Variants in PLPP1 observed in about 807,000 individuals in gnomAD.
PLPP1 encodes lipid phosphate phosphohydrolase 1a.
Under a neutral mutation model 31.2 loss-of-function variants are expected in PLPP1, and 24 were observed. The observed-to-expected ratio is 0.77, with a 90% CI of 0.56 to 1.08. PLPP1 has a LOEUF of 1.08. Among genes scored for constraint, PLPP1 ranks in the 50% least tolerant of loss-of-function variants. PLPP1 has a pLI of 0.00. For missense variants in PLPP1, 319 were observed against 342.7 expected (o/e 0.93, Z 0.55); for synonymous variants, 146 against 126.3 (o/e 1.16, Z -1.05).
intron 1 of PLPP1, among the ~76,000 whole-genome samples, chr5:55,532,574 T>C (rs1407219386): frequency 6.6e-6 from 1 of 152,238 alleles, no homozygotes; most frequent in Non-Finnish European, 1.5e-5. Context: ...TAATGTAACA[T>C]TTCTATGAAA....
intron 1 of PLPP1, among the ~76,000 whole-genome samples, chr5:55,510,210 A>T (rs1753375529): frequency 6.6e-6 from 1 of 152,248 alleles, no homozygotes; most frequent in Non-Finnish European, 1.5e-5. Flanking sequence ...AGTAACATTT[A>T]CATCACAGTA....
intron 1 of PLPP1, among the ~76,000 whole-genome samples, chr5:55,489,336 C>CTT (rs1455010922): frequency 6.6e-6 from 1 of 152,184 alleles, no homozygotes; most frequent in Non-Finnish European, 1.5e-5. Flanking sequence ...ACCACAACTA[C>CTT]TTAGTACTTC....
chr5:55,523,169 T>C (rs1753710008), intron 1 of PLPP1, among the ~76,000 whole-genome samples: 1 of 152,130 alleles, frequency 6.6e-6, no homozygotes, highest in Admixed American at 6.5e-5. Flanking sequence ...ATATAATTTA[T>C]AATCATTACA....
chr5:55,468,972 T>C (rs1752362854), intron 2 of PLPP1, among the ~76,000 whole-genome samples: 1 of 152,144 alleles, frequency 6.6e-6, no homozygotes, highest in African/African-American at 2.4e-5. Context: ...TGCTAGAGGA[T>C]ACAGAGGGCA....
intron 1 of PLPP1, among the ~76,000 whole-genome samples, chr5:55,527,577 G>A (rs1055011393): frequency 6.6e-6 from 1 of 152,188 alleles, no homozygotes; most frequent in Non-Finnish European, 1.5e-5. Context: ...ACATAGATGG[G>A]TATTATCAGT....
At chr5:55,487,368 A>G (rs1752796349) in intron 1 of PLPP1, among the ~76,000 whole-genome samples, 1 of 151,872 alleles carries the variant, frequency 6.6e-6, no homozygotes, top group Non-Finnish European at 1.5e-5. Context: ...GTAGAACTAC[A>G]CAAAGCCAAA....
At chr5:55,506,515 C>T (rs957644567) in intron 1 of PLPP1, among the ~76,000 whole-genome samples, 1 of 152,168 alleles carries the variant, frequency 6.6e-6, no homozygotes, top group Non-Finnish European at 1.5e-5. Flanking sequence ...CACAATAAAT[C>T]TTAACCCTAT....
rs1554039230 is a variant in PLPP1, at chr5:55,473,997, G to GTTTTTGTTTTTTT, written c.210+1301_210+1302insAAAAAAACAAAAA. Among the ~76,000 whole-genome samples the GTTTTTGTTTTTTT allele has an allele frequency of 1.1e-4, 3 of 28,036 alleles. 1 individual carries two copies. Among genetic ancestry groups the GTTTTTGTTTTTTT allele is most frequent in the African/African-American group, 1.8e-4 (2 of 10,936 alleles). The allele number at this position is 28,036 out of a possible 152,430, so 18.4% of individuals were successfully genotyped here. ...TTTCTGGTTTTTTTGTTTGTTTGTT[G>GTTTTTGTTTTTTT]TTTTTTTTTTTTTTTTCCAGACGGA... On this transcript the variant is annotated intron_variant, in intron 2 of 5. Transcript: ENST00000307259.
chr5:55,484,565 G>C (rs1752736859), intron 1 of PLPP1: 1 of 152,054 alleles, frequency 6.6e-6, no homozygotes, highest in Non-Finnish European at 1.5e-5. Context: ...CACTTTCAAG[G>C]TACCAAGGCT....
intron 3 of PLPP1, among the ~76,000 whole-genome samples, chr5:55,456,567 A>G (rs1752015113): frequency 6.6e-6 from 1 of 152,198 alleles, no homozygotes; most frequent in Non-Finnish European, 1.5e-5. Flanking sequence ...AACTATAGAC[A>G]ATATTTAGAC....
intron 4 of PLPP1, among the ~76,000 whole-genome samples, chr5:55,431,808 A>G (rs537553548): frequency 6.2e-4 from 94 of 152,368 alleles, no homozygotes; most frequent in African/African-American, 2.0e-3. Flanking sequence ...ATCAACAAAA[A>G]AAGTTGCTTT....
At chr5:55,463,590 T>C (rs1358024844) in intron 3 of PLPP1, among the ~76,000 whole-genome samples, 1 of 151,800 alleles carries the variant, frequency 6.6e-6, no homozygotes, top group Non-Finnish European at 1.5e-5. Context: ...GAGCCGAGAT[T>C]GTGCCACAGC....
chr5:55,437,249 A>G (rs1222479777), intron 4 of PLPP1, among the ~76,000 whole-genome samples: 1 of 152,234 alleles, frequency 6.6e-6, no homozygotes, highest in African/African-American at 2.4e-5. Flanking sequence ...TAAAATAAAT[A>G]ATCGTTGAAC....
chr5:55,484,988 G>C (rs910339673), intron 1 of PLPP1: 11 of 152,172 alleles, frequency 7.2e-5, no homozygotes, highest in African/African-American at 2.2e-4. Context: ...GGACAGAAAA[G>C]TTCTACATTC....
intron 3 of PLPP1, among the ~76,000 whole-genome samples, chr5:55,442,438 G>A (rs1318453949): frequency 6.6e-6 from 1 of 152,094 alleles, no homozygotes; most frequent in African/African-American, 2.4e-5. Context: ...CGGATCACGA[G>A]GTCAGGAGAT....
chr5:55,429,883 T>C (rs1561219511), intron 4 of PLPP1, among the ~76,000 whole-genome samples: 1 of 152,064 alleles, frequency 6.6e-6, no homozygotes, highest in Non-Finnish European at 1.5e-5. Flanking sequence ...CCCACCTGTT[T>C]ATGACTGCTG....
At chr5:55,518,448 C>T (rs1001142351) in intron 1 of PLPP1, among the ~76,000 whole-genome samples, 1 of 152,030 alleles carries the variant, frequency 6.6e-6, no homozygotes, top group African/African-American at 2.4e-5. Context: ...CATGAGAGAC[C>T]GCGCCCGGCC....
chr5:55,512,699 A>T (rs1188112670), intron 1 of PLPP1, among the ~76,000 whole-genome samples: 1 of 150,374 alleles, frequency 6.7e-6, no homozygotes. Flanking sequence ...TTCCAAAGTC[A>T]AAAGAGTAAA....
chr5:55,523,669 C>T (rs1170043366), intron 1 of PLPP1, among the ~76,000 whole-genome samples: 1 of 152,216 alleles, frequency 6.6e-6, no homozygotes, highest in Non-Finnish European at 1.5e-5. Flanking sequence ...ACAAAATTCA[C>T]TATTAAAAAT....
Sources: allele counts gnomAD v4.1 joint callset (sites outside exome capture counted in the v4.1 genomes callset), GRCh38; gene constraint gnomAD v4.1.1; transcripts MANE v1.5; gene names NCBI Gene and HGNC (gene_info 2026-07-23, HGNC 2026-07-21).